Variants in B3GALNT1 observed in about 807,000 individuals in gnomAD.
B3GALNT1 encodes the protein UDP-GalNAc:beta-1,3-N-acetylgalactosaminyltransferase 1.
A neutral mutation model predicts 27.3 loss-of-function variants in B3GALNT1; 17 were observed. The ratio of observed to expected loss-of-function variants is 0.62; its 90% CI spans 0.43 to 0.94. B3GALNT1 has a LOEUF of 0.94. Ranked by LOEUF, B3GALNT1 falls within the 40% of genes least tolerant of loss-of-function variation. The pLI is 0.00. For synonymous variants in B3GALNT1, 141 were observed against 144.0 expected, an observed-to-expected ratio of 0.98 and a Z score of 0.15; for missense variants, 347 against 390.0, an observed-to-expected ratio of 0.89 and a Z score of 0.93.
intron 4 of B3GALNT1, among the ~76,000 whole-genome samples, chr3:161,094,994 TA>T (rs1358999540): frequency 2.0e-5 from 3 of 152,128 alleles, no homozygotes; most frequent in East Asian, 3.9e-4. Flanking sequence ...ATCTTTTAAT[TA>T]AAAAATATAT....
intron 2 of B3GALNT1, chr3:161,103,941 G>A (rs942631266): frequency 5.3e-6 from 1 of 187,034 alleles, no homozygotes; most frequent in Non-Finnish European, 1.1e-5. Context: ...TGGCCAAGCC[G>A]ATCTCGAACT....
At chr3:161,095,172 T>C (rs1216615331) in intron 4 of B3GALNT1, among the ~76,000 whole-genome samples, 2 of 151,894 alleles carry the variant, frequency 1.3e-5, no homozygotes, top group Non-Finnish European at 2.9e-5. Context: ...ACTATTTTCC[T>C]CTCTTGCAGA....
chr3:161,094,610 T>C (rs925401042), intron 4 of B3GALNT1, among the ~76,000 whole-genome samples: 1 of 152,154 alleles, frequency 6.6e-6, no homozygotes, highest in African/African-American at 2.4e-5. Context: ...ATGTAATATA[T>C]GTTCATTAGA....
In B3GALNT1 at chr3:161,103,796, C is replaced by T. The variant is rs147321472; in HGVS notation, c.-220-279G>A. On this transcript the variant is annotated intron_variant, in intron 2 of 4. Coordinates refer to ENST00000320474, the MANE Select transcript of B3GALNT1 (RefSeq NM_003781.4). The stretch of plus-strand genomic sequence containing the variant: ...AGGCTGGAGTGCAATGGCACAATCT[C>T]GGCTCACTGCAACCTCTGCCTCCCG... 3.2e-3 allele frequency among the ~76,000 whole-genome samples: 484 copies of T among 152,304 alleles called. 1 individual carries two copies. The highest frequency in any genetic ancestry group is 6.1e-3 in the Non-Finnish European group (418 of 68,018).
intron 4 of B3GALNT1, among the ~76,000 whole-genome samples, chr3:161,099,178 T>G (rs1353536567): frequency 6.6e-6 from 1 of 152,200 alleles, no homozygotes; most frequent in African/African-American, 2.4e-5. Flanking sequence ...TAAGGTTGAC[T>G]GGAGCATCTT....
At chr3:161,094,634 A>T (rs1338248397) in intron 4 of B3GALNT1, among the ~76,000 whole-genome samples, 1 of 152,234 alleles carries the variant, frequency 6.6e-6, no homozygotes, top group African/African-American at 2.4e-5. Flanking sequence ...AATTTAGGGA[A>T]TGCCAGAAGA....
At chr3:161,094,570 T>C in intron 4 of B3GALNT1, among the ~76,000 whole-genome samples, 1 of 152,294 alleles carries the variant, frequency 6.6e-6, no homozygotes, top group South Asian at 2.1e-4. Flanking sequence ...TCAAATGTAA[T>C]TATTTAAAAA....
At chr3:161,100,833 G>GTT (rs1324662613) in intron 4 of B3GALNT1, among the ~76,000 whole-genome samples, 2 of 146,016 alleles carry the variant, frequency 1.4e-5, no homozygotes, top group African/African-American at 2.5e-5. Context: ...TAGCAGGGCT[G>GTT]TTTTTTTTTT....
intron 3 of B3GALNT1, 49 bp downstream of exon 3, chr3:161,103,378 A>AT: frequency 1.0e-6 from 1 of 953,448 alleles, no homozygotes; most frequent in Non-Finnish European, 1.4e-6. Context: ...TATTATGGGC[A>AT]TTTTTAACCA....
Position 161,084,988 on chromosome 3 carries a change from A to T in B3GALNT1, c.*771T>A, listed in dbSNP as rs1416218591. ...TTTTAAAAACAAGACAATACTTCAG[A>T]TTTTCTTGCTTTAATTCTTCTCTAT... On this transcript the variant is annotated 3_prime_UTR_variant, in exon 5 of 5. Coordinates refer to ENST00000320474, the MANE Select transcript of B3GALNT1 (RefSeq NM_003781.4). 1.3e-5 allele frequency: 2 copies of T among 152,140 alleles called. No homozygotes were observed. Among genetic ancestry groups the T allele is most frequent in the Non-Finnish European group, 1.5e-5 (1 of 67,986 alleles). 9.4% of individuals were successfully genotyped at this position (152,140 alleles called of 1,614,324 possible).
chr3:161,104,333 A>G lies in B3GALNT1; in HGVS notation c.-235T>C, dbSNP rs1344083780. 1 of 1,289,746 alleles carries G rather than the reference A, an allele frequency of 7.8e-7. No individual in the cohort carries two copies. The highest frequency in any genetic ancestry group is 1.0e-6 in the Non-Finnish European group (1 of 988,856). The allele number at this position is 1,289,746 out of a possible 1,614,324, so 79.9% of individuals were successfully genotyped here. A position where few individuals can be genotyped will look rare whatever the true frequency, so the allele number is the denominator to read the frequency against. On this transcript the variant is annotated 5_prime_UTR_variant, in exon 2 of 5. Transcript: ENST00000320474. Reference sequence around the variant, plus strand: ...ATTTTCCTTACCTCTGAAAACAGAAAAAAAGACATGGTTTGGCAATTTCTT... The same window carrying G: ...ATTTTCCTTACCTCTGAAAACAGAAGAAAAGACATGGTTTGGCAATTTCTT...
chr3:161,104,605 C>T, intron 1 of B3GALNT1, 199 bp from the exon 2 acceptor site: 1 of 305,850 alleles, frequency 3.3e-6, no homozygotes, highest in Non-Finnish European at 6.4e-6. Context: ...TTCCTTAACA[C>T]TGCCTGTAGG....
chr3:161,086,726 G>T lies in B3GALNT1; in HGVS notation c.29C>A (p.Pro10Gln). Residue 10 changes from proline (P) to glutamine (Q), a missense_variant, in exon 5 of 5, where the codon CCG becomes CAG. Physicochemically the swap from Pro to Gln is moderately conservative, Grantham distance 76. Transcript: ENST00000320474. Reference protein sequence around the residue: MASALWTVLPSRMSLRSLKW... With the variant: MASALWTVLQSRMSLRSLKW... ...GAGGGATCTCAGTGACATCCTACTC[G>T]GAAGGACAGTCCAGAGAGCCGAGGC... The T allele has an allele frequency of 1.2e-6, 2 of 1,614,002 alleles. No individual in the cohort carries two copies. The highest frequency in any genetic ancestry group is 1.7e-6 in the Non-Finnish European group (2 of 1,179,990).
At chr3:161,092,515 G>A (rs899453829) in intron 4 of B3GALNT1, among the ~76,000 whole-genome samples, 1 of 151,906 alleles carries the variant, frequency 6.6e-6, no homozygotes, top group Non-Finnish European at 1.5e-5. Flanking sequence ...GTGGTTAAAG[G>A]GGGAAAAAAA....
At chr3:161,101,368 A>G (rs1354973217) in intron 3 of B3GALNT1, 135 bp from the exon 4 acceptor site, 4 of 430,184 alleles carry the variant, frequency 9.3e-6, no homozygotes, top group South Asian at 7.2e-5. Context: ...GCTGCAGTTA[A>G]CATTTCTTCC....
In B3GALNT1 at chr3:161,086,062, G is replaced by A. The variant is rs142082813; in HGVS notation, c.693C>T (p.Phe231=). The stretch of plus-strand genomic sequence containing the variant: ...CACTGCAGTATGGAGGGAACACCTT[G>A]AAAGGATACTCCTGGTAAGAAATAT... ...KTHISYQEYP[F]KVFPPYCSGL... Residue 231 remains phenylalanine (F), a synonymous_variant, in exon 5 of 5, where the codon TTC becomes TTT. Coordinates refer to ENST00000320474, the MANE Select transcript of B3GALNT1 (RefSeq NM_003781.4). 3.8e-6 allele frequency: 6 copies of A among 1,594,358 alleles called. No homozygotes were observed. The South Asian group carries it at 6.9e-5, about 18-fold the overall frequency.
At chr3:161,102,961 T>A (rs1180124529) in intron 3 of B3GALNT1, among the ~76,000 whole-genome samples, 1 of 152,184 alleles carries the variant, frequency 6.6e-6, no homozygotes, top group African/African-American at 2.4e-5. Flanking sequence ...TTCTTAGGCA[T>A]AAAGGGAATT....
intron 4 of B3GALNT1, among the ~76,000 whole-genome samples, chr3:161,099,504 T>A (rs934265009): frequency 6.6e-6 from 1 of 152,054 alleles, no homozygotes; most frequent in African/African-American, 2.4e-5. Context: ...TCCAATATGA[T>A]AAAAGGTGGT....
intron 4 of B3GALNT1, among the ~76,000 whole-genome samples, chr3:161,097,077 C>A (rs972089425): frequency 1.3e-5 from 2 of 152,206 alleles, no homozygotes; most frequent in African/African-American, 4.8e-5. Context: ...CAGGCCCCAC[C>A]CTAGACCTAG....
Sources: gnomAD v4.1 joint callset for allele counts (sites outside exome capture counted in the v4.1 genomes callset) on GRCh38, gnomAD v4.1.1 for gene constraint, MANE v1.5 for transcripts, NCBI Gene and HGNC (gene_info 2026-07-23, HGNC 2026-07-21) for gene names.